Variants in RIN2 observed in about 807,000 individuals in gnomAD.
RIN2 encodes the protein RAB5 interacting protein 2.
RIN2 carries 36 observed loss-of-function variants against 78.0 expected under a neutral mutation model. The ratio of observed to expected loss-of-function variants is 0.46; its 90% CI spans 0.35 to 0.61. RIN2 has a LOEUF of 0.61. RIN2 is among the 20% of genes least tolerant of loss of function. The pLI is 0.00. For synonymous variants in RIN2, 466 were observed against 466.8 expected (o/e 1.00, Z 0.02); for missense variants, 1,087 against 1,159.7 (o/e 0.94, Z 0.91).
rs1201362204 is a variant in RIN2, at chr20:19,886,631, T to TG, written c.-36-2934dup. ...CTTCTTCTTTTTTTTTTTTTTTTTT[T>TG]GCTAGCTTTTAGCTAGTATCTGGAA... On this transcript the variant is annotated intron_variant, in intron 2 of 12. Coordinates refer to ENST00000255006, the MANE Select transcript of RIN2 (RefSeq NM_018993.4). The TG allele has an allele frequency of 8.5e-6, 6 of 703,246 alleles. No homozygotes were observed. In the East Asian group the frequency reaches 1.8e-4, roughly 21 times the overall value. The allele number at this position is 703,246 out of a possible 1,614,324, so 43.6% of individuals were successfully genotyped here.
chr20:19,996,801 A>G lies in RIN2; in HGVS notation c.2323A>G (p.Arg775Gly). Residue 775 changes from arginine to glycine, a missense_variant, in exon 12 of 13, where the codon AGA becomes GGA. Physicochemically the swap from Arg to Gly is moderately radical, Grantham distance 125. Around this residue, in one of 8 missense-constraint regions of RIN2, gnomAD observed 160 missense variants for 179.4 expected, o/e 0.89. Transcript: ENST00000255006. ...CACCCTGAGGCAGTGGCACAAACGG[A>G]GAACCACCAACCGGACCATCCCCTC... Reference protein sequence around the residue: ...RDTLRQWHKRRTTNRTIPSVD... With the variant: ...RDTLRQWHKRGTTNRTIPSVD... 6.2e-7 allele frequency: 1 copy of G among 1,608,620 alleles called. No homozygotes were observed. Among genetic ancestry groups the G allele is most frequent in the Non-Finnish European group, 8.5e-7 (1 of 1,177,296 alleles).
chr20:19,968,307 A>C (rs2042001028), intron 7 of RIN2, among the ~76,000 whole-genome samples: 1 of 152,212 alleles, frequency 6.6e-6, no homozygotes, highest in African/African-American at 2.4e-5. Flanking sequence ...AAGTTAAACA[A>C]AATAAATCTA....
chr20:19,845,671 A>G (rs571477944), intron 2 of RIN2, among the ~76,000 whole-genome samples: 57 of 150,728 alleles, frequency 3.8e-4, no homozygotes, highest in Non-Finnish European at 6.9e-4. Flanking sequence ...CTCCCATTCT[A>G]TAGGTTGCCT....
At chr20:19,986,026 G>T (rs1283302545) in intron 9 of RIN2, among the ~76,000 whole-genome samples, 1 of 152,186 alleles carries the variant, frequency 6.6e-6, no homozygotes, top group Non-Finnish European at 1.5e-5. Flanking sequence ...TCATTGTTCT[G>T]AGAGTTTAAA....
chr20:19,834,498 C>G (rs767418145), intron 2 of RIN2, among the ~76,000 whole-genome samples: 2 of 152,132 alleles, frequency 1.3e-5, no homozygotes, highest in Non-Finnish European at 2.9e-5. Flanking sequence ...CCACCCAGTG[C>G]GACGCTCTGG....
At chr20:19,789,207 G>C (rs1057166660) in intron 1 of RIN2, among the ~76,000 whole-genome samples, 1 of 152,176 alleles carries the variant, frequency 6.6e-6, no homozygotes, top group Non-Finnish European at 1.5e-5. Context: ...GCGCTAGTCA[G>C]TTGATATTCC....
chr20:19,779,837 C>T (rs1242506318), intron 1 of RIN2, among the ~76,000 whole-genome samples: 3 of 152,148 alleles, frequency 2.0e-5, no homozygotes, highest in Non-Finnish European at 4.4e-5. Flanking sequence ...TTGTTACCAG[C>T]ATGTTTTGTG....
intron 8 of RIN2, among the ~76,000 whole-genome samples, chr20:19,973,912 C>G (rs2042185499): frequency 6.6e-6 from 1 of 152,170 alleles, no homozygotes; most frequent in African/African-American, 2.4e-5. Flanking sequence ...GAGACACAGG[C>G]AGTACAGATC....
intron 2 of RIN2, among the ~76,000 whole-genome samples, chr20:19,857,091 C>T (rs1203938975): frequency 6.6e-6 from 1 of 152,188 alleles, no homozygotes; most frequent in Non-Finnish European, 1.5e-5. Flanking sequence ...AGAACATTTT[C>T]ATTATCCCGG....
chr20:19,991,054 T>C (rs2042783844), intron 10 of RIN2, among the ~76,000 whole-genome samples: 2 of 152,208 alleles, frequency 1.3e-5, no homozygotes, highest in Non-Finnish European at 2.9e-5. Flanking sequence ...AGTAAGCTTA[T>C]TGTAATTCTG....
At chr20:19,877,921 G>A (rs2037906346) in intron 2 of RIN2, among the ~76,000 whole-genome samples, 2 of 152,212 alleles carry the variant, frequency 1.3e-5, no homozygotes, top group African/African-American at 4.8e-5. Flanking sequence ...TGGAGAGGCT[G>A]TGGTGGGAGT....
chr20:19,875,182 G>A lies in RIN2; in HGVS notation c.-36-14384G>A, dbSNP rs534702110. Among the ~76,000 whole-genome samples the A allele has an allele frequency of 2.6e-4, 39 of 149,740 alleles. No homozygotes were observed. The South Asian group carries it at 4.3e-3, about 16-fold the overall frequency. On this transcript the variant is annotated intron_variant, in intron 2 of 12. Coordinates refer to ENST00000255006, the MANE Select transcript of RIN2 (RefSeq NM_018993.4). Reference sequence around the variant, plus strand: ...AGCAGATAATTTTTTTTTTTTAAACGGAGGCTTACTCTGTTGCTCAGGCTG... The same window carrying A: ...AGCAGATAATTTTTTTTTTTTAAACAGAGGCTTACTCTGTTGCTCAGGCTG...
intron 4 of RIN2, among the ~76,000 whole-genome samples, chr20:19,937,473 C>G (rs913091404): frequency 6.6e-6 from 1 of 152,178 alleles, no homozygotes; most frequent in African/African-American, 2.4e-5. Flanking sequence ...CCACCACAGC[C>G]ACCACGAAAT....
chr20:19,933,723 T>A (rs1300711184), intron 3 of RIN2, among the ~76,000 whole-genome samples: 5 of 152,182 alleles, frequency 3.3e-5, no homozygotes, highest in Admixed American at 3.3e-4. Context: ...AAAAGCTACC[T>A]GAGACAAGAC....
chr20:19,833,150 G>A lies in RIN2; in HGVS notation c.-37+33403G>A, dbSNP rs532064773. On this transcript the variant is annotated intron_variant, in intron 2 of 12. Coordinates refer to ENST00000255006, the MANE Select transcript of RIN2 (RefSeq NM_018993.4). Reference sequence around the variant, plus strand: ...GCTTCCCTGTGTGGCCCCTGACAACGTGGCAAGCCCTCCTCTTGGGATCTG... The same window carrying A: ...GCTTCCCTGTGTGGCCCCTGACAACATGGCAAGCCCTCCTCTTGGGATCTG... 4.6e-5 allele frequency among the ~76,000 whole-genome samples: 7 copies of A among 152,242 alleles called. No homozygotes were observed. The South Asian group carries it at 1.0e-3, about 23-fold the overall frequency.
intron 2 of RIN2, among the ~76,000 whole-genome samples, chr20:19,811,843 AT>A (rs201367420): frequency 2.0e-5 from 3 of 149,208 alleles, no homozygotes; most frequent in African/African-American, 7.5e-5. Flanking sequence ...ATATGCTCCC[AT>A]TTTAAAAAAA....
chr20:19,913,410 A>T (rs2039556640), intron 3 of RIN2, among the ~76,000 whole-genome samples: 1 of 152,176 alleles, frequency 6.6e-6, no homozygotes, highest in Non-Finnish European at 1.5e-5. Flanking sequence ...GACTTCTGAA[A>T]GTGCTGAGAT....
At chr20:19,907,017 G>A (rs2039246748) in intron 3 of RIN2, among the ~76,000 whole-genome samples, 1 of 152,216 alleles carries the variant, frequency 6.6e-6, no homozygotes, top group Non-Finnish European at 1.5e-5. Context: ...GAAGTCCCAA[G>A]GTTGAGGGGA....
intron 2 of RIN2, among the ~76,000 whole-genome samples, chr20:19,868,605 C>T (rs778434701): frequency 1.3e-5 from 2 of 152,082 alleles, no homozygotes; most frequent in Non-Finnish European, 2.9e-5. Context: ...GACAACAGGC[C>T]GTGCTCCATC....
Sources: allele counts gnomAD v4.1 joint callset (sites outside exome capture counted in the v4.1 genomes callset), GRCh38; gene constraint gnomAD v4.1.1; regional missense constraint gnomAD v4.1.1; transcripts MANE v1.5; gene names NCBI Gene and HGNC (gene_info 2026-07-23, HGNC 2026-07-21).